Variants in CACNA1I observed in about 807,000 individuals in gnomAD.
The protein encoded by CACNA1I is voltage-dependent T-type calcium channel subunit alpha-1I.
A neutral mutation model predicts 201.6 loss-of-function variants in CACNA1I; 74 were observed. That is an observed-to-expected ratio of 0.37 (90% CI 0.30 to 0.45). The LOEUF is 0.45. CACNA1I is among the 20% of genes least tolerant of loss of function. The probability of loss-of-function intolerance (pLI) is 1.00; values close to 1 mark genes in which losing one functional copy is unlikely to be tolerated. For synonymous variants in CACNA1I, 1,431 were observed against 1,345.2 expected (o/e 1.06, Z -1.40); for missense variants, 2,346 against 3,138.1 (o/e 0.75, Z 6.03).
In CACNA1I at chr22:39,661,284, A is replaced by C; in HGVS notation, c.2875A>C (p.Arg959=). The C allele has an allele frequency of 6.3e-7, 1 of 1,593,490 alleles. No individual in the cohort carries two copies. The highest frequency in any genetic ancestry group is 8.5e-7 in the Non-Finnish European group (1 of 1,169,724). The change falls in exon 16 of 37, where the codon AGG becomes CGG. Residue 959 remains arginine (R), a synonymous_variant. Coordinates refer to ENST00000402142, the MANE Select transcript of CACNA1I (RefSeq NM_021096.4). ...SRKSSVMSLG[R]MSYDQRSLSS... ...AAAGAGCAGTGTCATGTCTCTAGGG[A>C]GGATGAGCTATGACCAGCGCTCCCT...
chr22:39,680,465 G>A (rs1456509070), intron 33 of CACNA1I, among the ~76,000 whole-genome samples: 1 of 152,222 alleles, frequency 6.6e-6, no homozygotes, highest in African/African-American at 2.4e-5. Context: ...AGCAGGAGCT[G>A]GAGGACTGGG....
In CACNA1I at chr22:39,649,303, A is replaced by G. The variant is rs1207047525; in HGVS notation, c.1568-198A>G. 1.3e-5 allele frequency among the ~76,000 whole-genome samples: 2 copies of G among 152,156 alleles called. No homozygotes were observed. The highest frequency in any genetic ancestry group is 4.8e-5 in the African/African-American group (2 of 41,428). On this transcript the variant is annotated intron_variant, in intron 9 of 36. Coordinates refer to ENST00000402142, the MANE Select transcript of CACNA1I (RefSeq NM_021096.4). This position sits in a 1 kb window ranked among gnomAD's most constrained non-coding sequence, Gnocchi z 7.3. ...CTGCATGGTGGGCGTTCCTGCCCCA[A>G]CTTCTACAACAGGGGCAGACAAAGC...
intron 4 of CACNA1I, among the ~76,000 whole-genome samples, chr22:39,619,712 C>A (rs1933671321): frequency 6.6e-6 from 1 of 152,032 alleles, no homozygotes; most frequent in Non-Finnish European, 1.5e-5. Flanking sequence ...GGAGAGTGGT[C>A]TTCATAGGAT....
Position 39,642,774 on chromosome 22 carries a change from T to A in CACNA1I, c.1057-23T>A, listed in dbSNP as rs61506789. On this transcript the variant is annotated intron_variant, in intron 6 of 36. Transcript: ENST00000402142. ...TTTCTGATGGGCCAGTCCTCTCGGC[T>A]CTCTCTCCTCTGCGCGCTGCAGGTG... is the stretch of plus-strand genomic sequence containing the variant. The A allele has an allele frequency of 1.7e-4, 271 of 1,575,178 alleles. No individual in the cohort carries two copies. The African/African-American group carries it at 3.4e-3, about 20-fold the overall frequency.
chr22:39,576,550 C>T (rs540472537), intron 1 of CACNA1I, among the ~76,000 whole-genome samples: 42 of 152,344 alleles, frequency 2.8e-4, no homozygotes, highest in African/African-American at 9.4e-4. Context: ...AGGAGCTTCC[C>T]GTTTCCAGGC....
intron 1 of CACNA1I, among the ~76,000 whole-genome samples, chr22:39,588,692 CA>C (rs1463352515): frequency 6.6e-6 from 1 of 152,114 alleles, no homozygotes; most frequent in African/African-American, 2.4e-5. Flanking sequence ...GCCTTCAAGG[CA>C]TTTTCATATA....
At chr22:39,682,744 T>G in intron 35 of CACNA1I, 83 bp downstream of exon 35, 1 of 1,215,240 alleles carries the variant, frequency 8.2e-7, no homozygotes, top group Non-Finnish European at 1.1e-6. Context: ...GTTTTTTCCT[T>G]AGTATTTTTA....
chr22:39,686,652 A>ATGTG lies in CACNA1I; in HGVS notation c.*249_*252dup, dbSNP rs1555914076. The ATGTG allele has an allele frequency of 3.5e-5, 5 of 143,908 alleles. No individual in the cohort carries two copies. The South Asian group carries it at 1.1e-3, about 31-fold the overall frequency. 8.9% of individuals were successfully genotyped at this position (143,908 alleles called of 1,614,324 possible). On this transcript the variant is annotated 3_prime_UTR_variant, in exon 37 of 37. Coordinates refer to ENST00000402142, the MANE Select transcript of CACNA1I (RefSeq NM_021096.4). ...CATATATATATATATATATATATATATGTGTATACACACACACATAGACAG... is the reference window on the plus strand; with the variant it reads ...CATATATATATATATATATATATATATGTGTGTGTATACACACACACATAGACAG...
At chr22:39,651,213 G>T (rs1934637561) in intron 10 of CACNA1I, among the ~76,000 whole-genome samples, 2 of 152,144 alleles carry the variant, frequency 1.3e-5, no homozygotes, top group African/African-American at 4.8e-5. Context: ...TCTTTCTGTG[G>T]CAAGACTGAC....
chr22:39,658,161 C>A lies in CACNA1I; in HGVS notation c.2002C>A (p.Leu668Met), dbSNP rs763854326. ...GIEHHEQPEE[L>M]TNILEICNVV... is the part of the protein sequence containing the mutation. ...CCCCAATGCCCCACAGCCGGAGGAG[C>A]TGACCAACATCCTGGAGATCTGCAA... The change falls in exon 11 of 37, where the codon CTG (leucine) becomes ATG (methionine). Residue 668 changes from leucine to methionine, a missense_variant. By Grantham distance (15) the Leu-to-Met change is conservative (BLOSUM62 2). This residue lies in a region of CACNA1I where 155 missense variants were observed against 300.8 expected (regional missense o/e 0.52). Coordinates refer to ENST00000402142, the MANE Select transcript of CACNA1I (RefSeq NM_021096.4). 1.2e-6 allele frequency: 2 copies of A among 1,613,934 alleles called. No individual in the cohort carries two copies. The highest frequency in any genetic ancestry group is 2.2e-5 in the South Asian group (2 of 91,074).
intron 4 of CACNA1I, among the ~76,000 whole-genome samples, chr22:39,630,446 G>A (rs1276616641): frequency 6.6e-6 from 1 of 152,206 alleles, no homozygotes; most frequent in Non-Finnish European, 1.5e-5. Flanking sequence ...CACAGTGCCC[G>A]GCACGGAGCC....
At chr22:39,614,214 A>G (rs1933465776) in intron 3 of CACNA1I, among the ~76,000 whole-genome samples, 1 of 152,044 alleles carries the variant, frequency 6.6e-6, no homozygotes, top group African/African-American at 2.4e-5. Flanking sequence ...CTGAGAGAGG[A>G]GTACTTGAGG....
At chr22:39,642,336 G>A (rs963636103) in intron 6 of CACNA1I, among the ~76,000 whole-genome samples, 3 of 152,158 alleles carry the variant, frequency 2.0e-5, no homozygotes, top group African/African-American at 7.2e-5. Context: ...AGGAGTTGGG[G>A]TGGGGTGGGG....
intron 25 of CACNA1I, 127 bp downstream of exon 25, chr22:39,670,357 C>T (rs1486196012): frequency 3.2e-6 from 3 of 938,172 alleles, no homozygotes; most frequent in Non-Finnish European, 4.7e-6. Context: ...GCCCAGGGCT[C>T]AGCCACTTCT....
chr22:39,574,239 G>A (rs1383765642), intron 1 of CACNA1I, among the ~76,000 whole-genome samples: 1 of 152,238 alleles, frequency 6.6e-6, no homozygotes, highest in African/African-American at 2.4e-5. Context: ...TTCAAAGAGT[G>A]TGTGAGCCTA....
At chr22:39,661,367 G>A in intron 16 of CACNA1I, 57 bp downstream of exon 16, 1 of 1,331,554 alleles carries the variant, frequency 7.5e-7, no homozygotes, top group South Asian at 1.5e-5. Context: ...TGTGTGGAGG[G>A]GCCCTGAAGA....
Position 39,648,144 on chromosome 22 carries a change from G to A in CACNA1I, c.1567+218G>A, listed in dbSNP as rs894517968. 3.9e-5 allele frequency among the ~76,000 whole-genome samples: 6 copies of A among 152,168 alleles called. No individual in the cohort carries two copies. Among genetic ancestry groups the A allele is most frequent in the African/African-American group, 1.4e-4 (6 of 41,452 alleles). ...CCCAGGCCCTGCTCTGGAAAGCCCT[G>A]TCCTTCCAGCTCTCACAGTCTGGGA... is the stretch of plus-strand genomic sequence containing the variant. On this transcript the variant is annotated intron_variant, in intron 9 of 36. Coordinates refer to ENST00000402142, the MANE Select transcript of CACNA1I (RefSeq NM_021096.4). The surrounding 1 kb of genome is among the most constrained non-coding windows in gnomAD (Gnocchi z 5.4).
At position 39,632,401 on chromosome 22, in the gene CACNA1I, C is replaced by T. The variant is rs543093826; in HGVS notation, c.581-2164C>T. Among the ~76,000 whole-genome samples the T allele has an allele frequency of 2.8e-3, 432 of 152,334 alleles. 2 individuals are homozygous for T. The highest frequency in any genetic ancestry group is 0.01 in the African/African-American group (417 of 41,586). ...CAGAGCCCCACACTCCTCAGAGCCC[C>T]CTGCAACCGCCTTCAGGAATAGTGC... On this transcript the variant is annotated intron_variant, in intron 4 of 36. Transcript: ENST00000402142.
chr22:39,598,274 G>GCC lies in CACNA1I; in HGVS notation c.348+15_348+16dup. On this transcript the variant is annotated intron_variant, in intron 2 of 36. Coordinates refer to ENST00000402142, the MANE Select transcript of CACNA1I (RefSeq NM_021096.4). ...GCAAGATCCTGCAGGTGAGCCGGCCGCCCCGCCCCGCCCCGCCCTGCCCTC... is the reference window on the plus strand; with the variant it reads ...GCAAGATCCTGCAGGTGAGCCGGCCGCCCCCCGCCCCGCCCCGCCCTGCCCTC... 3 of 1,311,226 alleles carry GCC rather than the reference G, an allele frequency of 2.3e-6. No homozygotes were observed. The highest frequency in any genetic ancestry group is 1.3e-5 in the South Asian group (1 of 77,630). 81.2% of individuals were successfully genotyped at this position (1,311,226 alleles called of 1,614,324 possible).
Sources: gnomAD v4.1 joint callset for allele counts (sites outside exome capture counted in the v4.1 genomes callset) on GRCh38, gnomAD v4.1.1 for gene constraint, gnomAD v4.1.1 regional missense constraint, Gnocchi (gnomAD v3.1) non-coding constraint, MANE v1.5 for transcripts, NCBI Gene and HGNC (gene_info 2026-07-23, HGNC 2026-07-21) for gene names.